Variants in SETBP1 observed in about 807,000 individuals in gnomAD.
The protein encoded by SETBP1 is SET binding protein 1.
SETBP1 carries 9 observed loss-of-function variants against 101.0 expected under a neutral mutation model. The observed-to-expected ratio is 0.09, with a 90% CI of 0.05 to 0.16. The LOEUF is 0.16. SETBP1 is among the 10% of genes least tolerant of loss of function. SETBP1 has a pLI of 1.00. For synonymous variants in SETBP1, 818 were observed against 788.5 expected (o/e 1.04, Z -0.63); for missense variants, 1,858 against 2,033.8 (o/e 0.91, Z 1.66).
intron 2 of SETBP1, among the ~76,000 whole-genome samples, chr18:44,832,102 T>C (rs1174948902): frequency 6.6e-6 from 1 of 152,172 alleles, no homozygotes; most frequent in African/African-American, 2.4e-5. Flanking sequence ...GAACAGGTGG[T>C]CTTTGGATAC....
At position 44,808,183 on chromosome 18, in the gene SETBP1, T is replaced by C. The variant is rs73487184; in HGVS notation, c.487-61047T>C. Among the ~76,000 whole-genome samples, 876 of 152,276 alleles carry C rather than the reference T, an allele frequency of 5.8e-3. 8 individuals are homozygous for C. The highest frequency in any genetic ancestry group is 0.02 in the African/African-American group (825 of 41,564). ...ACTTCCTGTGCTTCCCTTTCATCTA[T>C]CCACACGATTGTAAATTAGTTTTCC... On this transcript the variant is annotated intron_variant, in intron 2 of 5. Coordinates refer to ENST00000649279, the MANE Select transcript of SETBP1 (RefSeq NM_015559.3).
At chr18:44,825,112 A>G (rs1353946489) in intron 2 of SETBP1, among the ~76,000 whole-genome samples, 1 of 152,250 alleles carries the variant, frequency 6.6e-6, no homozygotes, top group Non-Finnish European at 1.5e-5. Flanking sequence ...ATTAAGGTTA[A>G]TGTTTCAAGT....
chr18:44,919,658 G>A (rs559769501), intron 3 of SETBP1, among the ~76,000 whole-genome samples: 7 of 151,506 alleles, frequency 4.6e-5, no homozygotes, highest in South Asian at 4.2e-4. Flanking sequence ...AGATCCCCCC[G>A]TCTTTAAGCT....
intron 4 of SETBP1, among the ~76,000 whole-genome samples, chr18:45,003,258 CA>C (rs1217719029): frequency 2.6e-5 from 4 of 152,232 alleles, no homozygotes; most frequent in African/African-American, 9.7e-5. Context: ...TTTAGTTCCT[CA>C]TCCATGAGCA....
At chr18:44,698,404 G>A (rs971692674) in intron 1 of SETBP1, among the ~76,000 whole-genome samples, 50 of 152,176 alleles carry the variant, frequency 3.3e-4, no homozygotes, top group Non-Finnish European at 2.6e-4. Context: ...AACATTCAAG[G>A]AAGTTCATGA....
At chr18:44,689,929 A>G (rs1186615530) in intron 1 of SETBP1, among the ~76,000 whole-genome samples, 2 of 152,188 alleles carry the variant, frequency 1.3e-5, no homozygotes, top group African/African-American at 2.4e-5. Context: ...TTCCAAGTGC[A>G]GGGAGAGCAG....
chr18:45,028,214 T>G (rs1215767263), intron 4 of SETBP1, among the ~76,000 whole-genome samples: 1 of 136,488 alleles, frequency 7.3e-6, no homozygotes, highest in Non-Finnish European at 1.5e-5. Context: ...CCTGTGTCCA[T>G]GTGTTCTCAT....
At chr18:44,960,619 T>C (rs1369560680) in intron 4 of SETBP1, among the ~76,000 whole-genome samples, 3 of 152,144 alleles carry the variant, frequency 2.0e-5, no homozygotes, top group Admixed American at 6.5e-5. Context: ...GCTGGAATTA[T>C]AGCTGTGAGC....
intron 2 of SETBP1, among the ~76,000 whole-genome samples, chr18:44,820,458 G>A (rs2072088145): frequency 6.6e-6 from 1 of 152,144 alleles, no homozygotes. Context: ...GTCCAGCCTG[G>A]TGTATGTCTC....
intron 1 of SETBP1, among the ~76,000 whole-genome samples, chr18:44,696,398 G>A (rs1342505196): frequency 6.6e-6 from 1 of 152,206 alleles, no homozygotes; most frequent in Non-Finnish European, 1.5e-5. Context: ...AAGCTGGCGT[G>A]TTGGGTCCCA....
At chr18:44,885,848 AAAAAAAAAC>A (rs1358835651) in intron 3 of SETBP1, among the ~76,000 whole-genome samples, 11 of 41,642 alleles carry the variant, frequency 2.6e-4, no homozygotes, top group African/African-American at 5.8e-4. Context: ...TCATTAAAAA[AAAAAAAAAC>A]AAAAAAAAAA....
intron 2 of SETBP1, among the ~76,000 whole-genome samples, chr18:44,777,545 A>G (rs2071030754): frequency 6.6e-6 from 1 of 152,036 alleles, no homozygotes; most frequent in African/African-American, 2.4e-5. Context: ...CATCTGGTGG[A>G]TAGAGTTGCA....
chr18:44,885,842 T>TAA lies in SETBP1; in HGVS notation c.540+16572_540+16573dup, dbSNP rs3062865. Among the ~76,000 whole-genome samples, 88 of 45,046 alleles carry TAA rather than the reference T, an allele frequency of 2.0e-3. 2 individuals are homozygous for TAA. The highest frequency in any genetic ancestry group is 4.3e-3 in the South Asian group (4 of 930). 29.6% of individuals were successfully genotyped at this position (45,046 alleles called of 152,430 possible). On this transcript the variant is annotated intron_variant, in intron 3 of 5. Coordinates refer to ENST00000649279, the MANE Select transcript of SETBP1 (RefSeq NM_015559.3). ...GAAGCTTCACATGTGCCCATTTCAT[T>TAA]AAAAAAAAAAAAAACAAAAAAAAAA...
intron 3 of SETBP1, among the ~76,000 whole-genome samples, chr18:44,899,745 C>CAAAT (rs1488578896): frequency 6.6e-6 from 1 of 152,126 alleles, no homozygotes; most frequent in African/African-American, 2.4e-5. Context: ...TGCCCTTGGA[C>CAAAT]AAATTACTCA....
rs139333475 is a variant in SETBP1, at chr18:44,851,216, G to A, written c.487-18014G>A. On this transcript the variant is annotated intron_variant, in intron 2 of 5. Coordinates refer to ENST00000649279, the MANE Select transcript of SETBP1 (RefSeq NM_015559.3). ...AGTATATGCTAAGTGGTAAATAAGT[G>A]GCATAGATAGAACATGGTAGACCAT... Among the ~76,000 whole-genome samples the A allele has an allele frequency of 1.7e-3, 258 of 152,316 alleles. 1 individual carries two copies. Among genetic ancestry groups the A allele is most frequent in the Non-Finnish European group, 3.3e-3 (227 of 68,032 alleles).
chr18:44,873,803 C>T (rs897312468), intron 3 of SETBP1, among the ~76,000 whole-genome samples: 1 of 152,110 alleles, frequency 6.6e-6, no homozygotes, highest in African/African-American at 2.4e-5. Flanking sequence ...TTAACTATGA[C>T]TGAAGTTTTC....
At chr18:44,776,109 G>A (rs1277422613) in intron 2 of SETBP1, among the ~76,000 whole-genome samples, 2 of 152,212 alleles carry the variant, frequency 1.3e-5, no homozygotes, top group African/African-American at 4.8e-5. Flanking sequence ...AGGTGAGAGG[G>A]AGGGTATTAT....
intron 2 of SETBP1, among the ~76,000 whole-genome samples, chr18:44,744,073 T>C (rs2070162407): frequency 6.6e-6 from 1 of 152,206 alleles, no homozygotes. Flanking sequence ...TACTGCCTGC[T>C]ACACCCCTGA....
chr18:44,746,449 G>C (rs2070248792), intron 2 of SETBP1, among the ~76,000 whole-genome samples: 1 of 152,206 alleles, frequency 6.6e-6, no homozygotes, highest in Non-Finnish European at 1.5e-5. Flanking sequence ...TTCCAAAATG[G>C]AGAATACAGG....
Sources: gnomAD v4.1 joint callset for allele counts (sites outside exome capture counted in the v4.1 genomes callset) on GRCh38, gnomAD v4.1.1 for gene constraint, MANE v1.5 for transcripts, NCBI Gene and HGNC (gene_info 2026-07-23, HGNC 2026-07-21) for gene names.